Variants in CTTN observed in about 807,000 individuals in gnomAD.
CTTN encodes cortactin, also known as src substrate cortactin.
CTTN carries 28 observed loss-of-function variants against 84.0 expected under a neutral mutation model. That is an observed-to-expected ratio of 0.33 (90% CI 0.25 to 0.46). The LOEUF (loss-of-function observed/expected upper bound fraction) is 0.46, where lower values mean the gene tolerates loss of function less well. Ranked by LOEUF, CTTN falls within the 20% of genes least tolerant of loss-of-function variation. The pLI, the probability that CTTN is intolerant of heterozygous loss-of-function variation, is 1.00. For missense variants in CTTN, 641 were observed against 723.8 expected (o/e 0.89, Z 1.31); for synonymous variants, 301 against 288.8 (o/e 1.04, Z -0.43).
intron 2 of CTTN, among the ~76,000 whole-genome samples, chr11:70,405,842 C>T (rs932236404): frequency 2.6e-5 from 4 of 152,222 alleles, no homozygotes; most frequent in Non-Finnish European, 5.9e-5. Flanking sequence ...TGCAGGGACT[C>T]CCATCCTTTC....
Position 70,420,209 on chromosome 11 carries a change from G to A in CTTN, c.680-191G>A, listed in dbSNP as rs866797163. ...GCTTAGTCACGATGCTGAGGTCATA[G>A]ACTAGGTTATTTCCTGCCACTCTCC... On this transcript the variant is annotated intron_variant, in intron 9 of 17. Transcript: ENST00000301843. 3 of 614,090 alleles carry A rather than the reference G, an allele frequency of 4.9e-6. No homozygotes were observed. In the African/African-American group the frequency reaches 5.5e-5, roughly 11 times the overall value. The allele number at this position is 614,090 out of a possible 1,614,324, so 38.0% of individuals were successfully genotyped here.
chr11:70,426,397 C>T (rs1252182539), intron 13 of CTTN, among the ~76,000 whole-genome samples: 1 of 142,976 alleles, frequency 7.0e-6, no homozygotes, highest in Non-Finnish European at 1.5e-5. Context: ...GATGACAGAG[C>T]GAGACTCCGT....
At chr11:70,399,911 CAAGG>C (rs2057956401) in intron 1 of CTTN, among the ~76,000 whole-genome samples, 2 of 152,070 alleles carry the variant, frequency 1.3e-5, no homozygotes, top group South Asian at 4.2e-4. Flanking sequence ...CGGCCGGGCC[CAAGG>C]CCGTGGCGCA....
chr11:70,413,776 C>T (rs527949688), intron 5 of CTTN, among the ~76,000 whole-genome samples: 1 of 152,324 alleles, frequency 6.6e-6, no homozygotes, highest in Admixed American at 6.5e-5. Context: ...CTGTGTCTTG[C>T]AGACTATTTT....
chr11:70,430,450 C>T (rs1026439157), intron 14 of CTTN, among the ~76,000 whole-genome samples: 6 of 152,162 alleles, frequency 3.9e-5, no homozygotes, highest in Non-Finnish European at 8.8e-5. Context: ...CCTGTCTTCC[C>T]ATCTCCAGCC....
At chr11:70,399,497 T>G (rs1425434207) in intron 1 of CTTN, among the ~76,000 whole-genome samples, 1 of 152,000 alleles carries the variant, frequency 6.6e-6, no homozygotes, top group Non-Finnish European at 1.5e-5. Flanking sequence ...AGCGGAGGTT[T>G]TGCAATCAGG....
chr11:70,414,551 G>A lies in CTTN; in HGVS notation c.301G>A (p.Gly101Ser), dbSNP rs777502801. ...EQDRMDKSAV[G>S]HEYQSKLSKH... ...TTGAACCCTGTTCCAGTCAGCTGTC[G>A]GCCACGAATATCAGTCGAAACTTTC... Residue 101 changes from glycine (G) to serine (S), a missense_variant, in exon 6 of 18, where the codon GGC (glycine) becomes AGC (serine). Physicochemically the swap from Gly to Ser is moderately conservative, Grantham distance 56 (BLOSUM62 0). Around this residue, in one of 3 missense-constraint regions of CTTN, gnomAD observed 284 missense variants for 348.4 expected, o/e 0.82. Coordinates refer to ENST00000301843, the MANE Select transcript of CTTN (RefSeq NM_005231.4). The A allele has an allele frequency of 5.0e-6, 8 of 1,613,808 alleles. No individual in the cohort carries two copies. The highest frequency in any genetic ancestry group is 6.8e-6 in the Non-Finnish European group (8 of 1,179,756).
At chr11:70,433,949 C>T (rs1468206568) in intron 17 of CTTN, among the ~76,000 whole-genome samples, 4 of 152,194 alleles carry the variant, frequency 2.6e-5, no homozygotes. Context: ...CTTTAGTATT[C>T]TCTGAACCCT....
chr11:70,424,976 G>A (rs1335922289), intron 12 of CTTN, among the ~76,000 whole-genome samples: 2 of 152,136 alleles, frequency 1.3e-5, no homozygotes, highest in Non-Finnish European at 2.9e-5. Flanking sequence ...ACGGGCCACT[G>A]GAGGCTTGCA....
intron 12 of CTTN, among the ~76,000 whole-genome samples, chr11:70,424,720 GC>G (rs1266287198): frequency 6.6e-6 from 1 of 152,014 alleles, no homozygotes; most frequent in Non-Finnish European, 1.5e-5. Flanking sequence ...CAGGAAGGGG[GC>G]AAGCAGGAGG....
intron 12 of CTTN, among the ~76,000 whole-genome samples, chr11:70,425,075 T>C (rs1437062132): frequency 6.6e-6 from 1 of 152,082 alleles, no homozygotes; most frequent in Non-Finnish European, 1.5e-5. Context: ...ATCCCAGAAT[T>C]GGTTTGTGGT....
At position 70,417,127 on chromosome 11, in the gene CTTN, G is replaced by A; in HGVS notation, c.568+4G>A. The A allele has an allele frequency of 6.2e-7, 1 of 1,611,436 alleles. No individual in the cohort carries two copies. The highest frequency in any genetic ancestry group is 8.5e-7 in the Non-Finnish European group (1 of 1,177,580). ...GAGAAGCACGAGTCACAGAGAGGTG[G>A]GGCGGACCCCACGGTCTGTAATCAC... On this transcript the variant is annotated splice_donor_region_variant and intron_variant, in intron 8 of 17. Transcript: ENST00000301843.
intron 9 of CTTN, 62 bp downstream of exon 9, chr11:70,419,918 A>C (rs2058210662): frequency 1.5e-6 from 2 of 1,295,442 alleles, no homozygotes; most frequent in African/African-American, 3.0e-5. Context: ...TGGTAGCCAC[A>C]CCGGAAAAGG....
intron 6 of CTTN, 144 bp from the exon 7 acceptor site, chr11:70,415,519 C>T (rs2058148030): frequency 1.3e-6 from 1 of 782,326 alleles, no homozygotes; most frequent in South Asian, 1.6e-5. Flanking sequence ...TCACTGCCAC[C>T]TGCACCTGGC....
chr11:70,416,779 A>G, intron 7 of CTTN: 1 of 488,024 alleles, frequency 2.0e-6, no homozygotes, highest in Non-Finnish European at 3.7e-6. Context: ...TTCTGACTAC[A>G]CAAAGGAACT....
intron 1 of CTTN, among the ~76,000 whole-genome samples, chr11:70,399,909 C>T (rs2057956137): frequency 6.6e-6 from 1 of 152,086 alleles, no homozygotes; most frequent in African/African-American, 2.4e-5. Context: ...CCCGGCCGGG[C>T]CCAAGGCCGT....
chr11:70,422,891 C>G, intron 11 of CTTN, 49 bp from the exon 12 acceptor site: 1 of 1,613,612 alleles, frequency 6.2e-7, no homozygotes, highest in Middle Eastern at 1.7e-4. Flanking sequence ...CGGCCACCCC[C>G]ATGCTCGCCT....
intron 12 of CTTN, 141 bp downstream of exon 12, chr11:70,423,136 A>G: frequency 9.9e-7 from 1 of 1,014,872 alleles, no homozygotes; most frequent in Non-Finnish European, 1.5e-6. Context: ...GGTGGCGATG[A>G]CTGACTCGGA....
rs761150029 is a variant in CTTN, at chr11:70,435,724, C to G, written c.*562C>G. On this transcript the variant is annotated 3_prime_UTR_variant, in exon 18 of 18. Transcript: ENST00000301843. ...GATGGGAAATCTGCCTATGTCATACCGTGACAGCCCGCAGGATCAGGTGAC... is the reference window on the plus strand; with the variant it reads ...GATGGGAAATCTGCCTATGTCATACGGTGACAGCCCGCAGGATCAGGTGAC... 6 of 1,597,876 alleles carry G rather than the reference C, an allele frequency of 3.8e-6. No individual in the cohort carries two copies. In the South Asian group the frequency reaches 6.6e-5, roughly 18 times the overall value.
Sources: allele counts gnomAD v4.1 joint callset (sites outside exome capture counted in the v4.1 genomes callset), GRCh38; gene constraint gnomAD v4.1.1; regional missense constraint gnomAD v4.1.1; transcripts MANE v1.5; gene names NCBI Gene and HGNC (gene_info 2026-07-23, HGNC 2026-07-21).